PTPRU: variants seen among roughly 807,000 people sequenced by gnomAD.
The protein encoded by PTPRU is receptor-type tyrosine-protein phosphatase U.
In PTPRU, 69 loss-of-function variants were observed where a neutral mutation model predicts 166.3. The observed-to-expected ratio is 0.41, with a 90% CI of 0.34 to 0.51. PTPRU has a LOEUF of 0.51. Ranked by LOEUF, PTPRU falls within the 20% of genes least tolerant of loss-of-function variation. The pLI is 0.09. For synonymous variants in PTPRU, 793 were observed against 814.0 expected (o/e 0.97, Z 0.44); for missense variants, 1,657 against 2,013.7 (o/e 0.82, Z 3.39).
Position 29,303,967 on chromosome 1 carries a change from G to A in PTPRU, c.2589G>A (p.Ala863=), listed in dbSNP as rs764110764. 7.4e-6 allele frequency: 12 copies of A among 1,613,824 alleles called. No homozygotes were observed. Among genetic ancestry groups the A allele is most frequent in the South Asian group, 6.6e-5 (6 of 91,070 alleles). The change falls in exon 16 of 30, where the codon GCG becomes GCA. Residue 863 remains alanine (A), a synonymous_variant. Coordinates refer to ENST00000373779, the MANE Select transcript of PTPRU (RefSeq NM_133178.4). ...ACCACACGGGGCAGCTGCACCCTGC[G>A]GTGCGTGTCGCAGACCTTCTGCAGC... ...SPYHTGQLHP[A]VRVADLLQHI...
intron 1 of PTPRU, among the ~76,000 whole-genome samples, chr1:29,242,718 G>T (rs1684111734): frequency 6.6e-6 from 1 of 152,118 alleles, no homozygotes; most frequent in Non-Finnish European, 1.5e-5. Context: ...AGCACCTTCA[G>T]TGAGTCCTGG....
At chr1:29,312,036 T>C (rs141050166) in intron 21 of PTPRU, among the ~76,000 whole-genome samples, 53 of 152,310 alleles carry the variant, frequency 3.5e-4, no homozygotes, top group Non-Finnish European at 5.7e-4. Context: ...GTTATAAATA[T>C]TGTTTCAGTC....
intron 1 of PTPRU, among the ~76,000 whole-genome samples, chr1:29,242,755 G>A (rs559385791): frequency 1.3e-5 from 2 of 152,272 alleles, no homozygotes; most frequent in African/African-American, 4.8e-5. Context: ...AATTGGTCTG[G>A]ATGGACCATG....
intron 13 of PTPRU, among the ~76,000 whole-genome samples, chr1:29,284,219 G>A (rs1686236421): frequency 6.6e-6 from 1 of 152,172 alleles, no homozygotes; most frequent in South Asian, 2.1e-4. Flanking sequence ...GGGCCTTGGG[G>A]GTGATGGGTA....
rs771468469 is a variant in PTPRU at position 29,320,809 on chromosome 1, A to C, written c.3812A>C (p.Gln1271Pro). 1 of 1,588,096 alleles carries C rather than the reference A, an allele frequency of 6.3e-7. No homozygotes were observed. The highest frequency in any genetic ancestry group is 1.1e-5 in the South Asian group (1 of 89,138). ...ATCGTCATGCTCAACCAGCTGAACCAGTCCAACTCCGCCTGGGTGAGGCCT... is the reference window on the plus strand; with the variant it reads ...ATCGTCATGCTCAACCAGCTGAACCCGTCCAACTCCGCCTGGGTGAGGCCT... ...TSIVMLNQLN[Q>P]SNSAWPCLQY... is the part of the protein sequence containing the mutation. The change falls in exon 26 of 30, where the codon CAG becomes CCG. Residue 1271 changes from glutamine (Q) to proline (P), a missense_variant. Gln to Pro is a moderately conservative substitution (Grantham distance 76, BLOSUM62 -1). Coordinates refer to ENST00000373779, the MANE Select transcript of PTPRU (RefSeq NM_133178.4). This position sits in a 1 kb window ranked among gnomAD's most constrained non-coding sequence, Gnocchi z 5.2.
At chr1:29,313,940 A>G (rs1004265546) in intron 22 of PTPRU, among the ~76,000 whole-genome samples, 15 of 152,186 alleles carry the variant, frequency 9.9e-5, no homozygotes, top group Admixed American at 5.2e-4. Flanking sequence ...TCTGGCCTGA[A>G]TTCCCCCATC....
Position 29,291,985 on chromosome 1 carries a change from T to C in PTPRU, c.2435T>C (p.Leu812Pro). The change falls in exon 15 of 30, where the codon CTG becomes CCG. Residue 812 changes from leucine (L) to proline (P), a missense_variant. Physicochemically the swap from Leu to Pro is moderately conservative, Grantham distance 98 (BLOSUM62 -3). Transcript: ENST00000373779. This position sits in a 1 kb window ranked among gnomAD's most constrained non-coding sequence, Gnocchi z 4.1. ...DQSTLQEDER[L>P]GLSFMDTHGY... The stretch of plus-strand genomic sequence containing the variant: ...AGCACCCTGCAGGAGGACGAGCGGC[T>C]GGGCCTGTCCTTCATGGACACCCAT... 1 of 1,614,182 alleles carries C rather than the reference T, an allele frequency of 6.2e-7. No individual in the cohort carries two copies. Among genetic ancestry groups the C allele is most frequent in the South Asian group, 1.1e-5 (1 of 91,068 alleles).
In PTPRU at chr1:29,304,763, C is replaced by G. The variant is rs1687304453; in HGVS notation, c.2668-11C>G. ...CTCTCTCCCACTGACCACCACTTTT[C>G]TTTCTGGTAGAGCTTCTTTGAAGGC... On this transcript the variant is annotated splice_polypyrimidine_tract_variant and intron_variant, in intron 16 of 29. Coordinates refer to ENST00000373779, the MANE Select transcript of PTPRU (RefSeq NM_133178.4). 6.2e-7 allele frequency: 1 copy of G among 1,604,686 alleles called. No homozygotes were observed. Among genetic ancestry groups the G allele is most frequent in the South Asian group, 1.1e-5 (1 of 90,490 alleles).
chr1:29,290,260 C>T (rs1201454563), intron 14 of PTPRU, among the ~76,000 whole-genome samples: 1 of 152,206 alleles, frequency 6.6e-6, no homozygotes, highest in Non-Finnish European at 1.5e-5. Context: ...TCCTGGGAGC[C>T]TCCTCTGGGC....
rs566856600 is a variant in PTPRU, at chr1:29,288,067, G to A, written c.2318+3198G>A. 3.3e-5 allele frequency among the ~76,000 whole-genome samples: 5 copies of A among 152,190 alleles called. No homozygotes were observed. The South Asian group carries it at 8.3e-4, about 25-fold the overall frequency. On this transcript the variant is annotated intron_variant, in intron 14 of 29. Coordinates refer to ENST00000373779, the MANE Select transcript of PTPRU (RefSeq NM_133178.4). ...CGACCTCAGGTGATCCACCCGCCTCGGCCTCCCAAAATGCAGGGATTATAG... is the reference window on the plus strand; with the variant it reads ...CGACCTCAGGTGATCCACCCGCCTCAGCCTCCCAAAATGCAGGGATTATAG...
At chr1:29,254,614 G>A (rs1478483404) in intron 1 of PTPRU, among the ~76,000 whole-genome samples, 6 of 152,220 alleles carry the variant, frequency 3.9e-5, no homozygotes, top group South Asian at 2.1e-4. Flanking sequence ...CTCAGAACGC[G>A]TGGCCTGAAC....
At chr1:29,309,860 G>A (rs1687567792) in intron 18 of PTPRU, among the ~76,000 whole-genome samples, 1 of 152,222 alleles carries the variant, frequency 6.6e-6, no homozygotes, top group Non-Finnish European at 1.5e-5. Context: ...ACTTGAGGTA[G>A]GGGGCTGGGC....
intron 18 of PTPRU, among the ~76,000 whole-genome samples, chr1:29,307,810 G>T (rs1401514226): frequency 1.4e-5 from 2 of 143,664 alleles, no homozygotes; most frequent in Admixed American, 1.5e-4. Context: ...GCCCAGGCTG[G>T]AGCGCAGTGG....
chr1:29,240,893 G>A (rs1684021335), intron 1 of PTPRU, among the ~76,000 whole-genome samples: 1 of 140,446 alleles, frequency 7.1e-6, no homozygotes, highest in African/African-American at 2.5e-5. Flanking sequence ...GGCGGGTGGG[G>A]TCACAGCCTC....
Position 29,325,854 on chromosome 1 carries a change from G to C in PTPRU, c.*193G>C. 1 of 618,710 alleles carries C rather than the reference G, an allele frequency of 1.6e-6. No homozygotes were observed. The highest frequency in any genetic ancestry group is 3.1e-5 in the East Asian group (1 of 32,548). 38.3% of individuals were successfully genotyped at this position (618,710 alleles called of 1,614,324 possible). On this transcript the variant is annotated 3_prime_UTR_variant, in exon 30 of 30. Coordinates refer to ENST00000373779, the MANE Select transcript of PTPRU (RefSeq NM_133178.4). ...TTCGCTTGTCCCATGGGCGGGTGGT[G>C]GGCCAAGGAGGAGCTTAGCAAGTCT... is the stretch of plus-strand genomic sequence containing the variant.
chr1:29,313,805 T>G (rs1214931401), intron 22 of PTPRU, among the ~76,000 whole-genome samples: 1 of 152,108 alleles, frequency 6.6e-6, no homozygotes, highest in Admixed American at 6.6e-5. Context: ...CAGTAAACTG[T>G]AATTGCACCA....
At chr1:29,239,839 C>T (rs1683960801) in intron 1 of PTPRU, among the ~76,000 whole-genome samples, 1 of 152,118 alleles carries the variant, frequency 6.6e-6, no homozygotes, top group African/African-American at 2.4e-5. Flanking sequence ...TCCCTCTTTC[C>T]CTCATGGTGC....
chr1:29,302,381 T>A (rs1288496970), intron 15 of PTPRU, among the ~76,000 whole-genome samples: 1 of 152,116 alleles, frequency 6.6e-6, no homozygotes, highest in East Asian at 1.9e-4. Context: ...TTTAAATAAG[T>A]GTATTGTAGC....
intron 1 of PTPRU, among the ~76,000 whole-genome samples, chr1:29,250,892 G>A (rs1037322350): frequency 2.6e-5 from 4 of 152,234 alleles, no homozygotes; most frequent in Admixed American, 2.6e-4. Flanking sequence ...CTAGAACTGG[G>A]TCTGGCCCAG....
Sources: allele counts gnomAD v4.1 joint callset (sites outside exome capture counted in the v4.1 genomes callset), GRCh38; gene constraint gnomAD v4.1.1; non-coding constraint Gnocchi (gnomAD v3.1); transcripts MANE v1.5; gene names NCBI Gene and HGNC (gene_info 2026-07-23, HGNC 2026-07-21).